Variants in SEC14L1 observed in about 807,000 individuals in gnomAD.
The protein encoded by SEC14L1 is SEC14-like protein 1.
In SEC14L1, 48 loss-of-function variants were observed where a neutral mutation model predicts 85.3. That is an observed-to-expected ratio of 0.56 (90% CI 0.45 to 0.72). The LOEUF (loss-of-function observed/expected upper bound fraction) is 0.72. SEC14L1 is among the 30% of genes least tolerant of loss of function. The probability of loss-of-function intolerance (pLI) is 0.00; values close to 1 mark genes in which losing one functional copy is unlikely to be tolerated. For synonymous variants in SEC14L1, 391 were observed against 355.5 expected (o/e 1.10, Z -1.12); for missense variants, 682 against 921.4 (o/e 0.74, Z 3.36).
At chr17:77,212,319 G>C (rs1976798416) in intron 15 of SEC14L1, 118 bp downstream of exon 15, 1 of 1,409,550 alleles carries the variant, frequency 7.1e-7, no homozygotes, top group Admixed American at 2.2e-5. Context: ...TTGAGGCCCT[G>C]CTTGTGGAGG....
intron 3 of SEC14L1, among the ~76,000 whole-genome samples, chr17:77,102,290 A>T (rs9893028): frequency 0.25 from 38,210 of 152,054 alleles, 5,139 homozygotes; most frequent in African/African-American, 0.33. Context: ...AGTTGGGATC[A>T]TCCCCTCCGG....
At position 77,213,790 on chromosome 17, in the gene SEC14L1, T is replaced by C; in HGVS notation, c.2043-128T>C. 1 of 1,230,664 alleles carries C rather than the reference T, an allele frequency of 8.1e-7. No individual in the cohort carries two copies. Among genetic ancestry groups the C allele is most frequent in the Non-Finnish European group, 1.2e-6 (1 of 845,332 alleles). 76.2% of individuals were successfully genotyped at this position (1,230,664 alleles called of 1,614,324 possible). On this transcript the variant is annotated intron_variant, in intron 16 of 16. Transcript: ENST00000436233. This position sits in a 1 kb window ranked among gnomAD's most constrained non-coding sequence, Gnocchi z 7.1. ...GGGTTACTCATGTCCATCCCCCGTT[T>C]GCAAGCACTGATGGGGATGAGAAGT...
At chr17:77,212,872 A>G (rs944058638) in intron 15 of SEC14L1, 44 of 177,694 alleles carry the variant, frequency 2.5e-4, no homozygotes, top group Admixed American at 2.4e-3. Context: ...GAGAATGGAG[A>G]AGGAGCTTTC....
intron 3 of SEC14L1, among the ~76,000 whole-genome samples, chr17:77,154,640 T>TTTTG (rs1973724993): frequency 6.6e-6 from 1 of 151,154 alleles, no homozygotes; most frequent in South Asian, 2.1e-4. Context: ...TTTTTTTGTT[T>TTTTG]TTTTTTGGTT....
At position 77,162,579 on chromosome 17, in the gene SEC14L1, T is replaced by TC. The variant is rs1243800354; in HGVS notation, c.63+18923dup. Among the ~76,000 whole-genome samples, 13 of 152,252 alleles carry TC rather than the reference T, an allele frequency of 8.5e-5. No homozygotes were observed. The East Asian group carries it at 2.5e-3, about 29-fold the overall frequency. On this transcript the variant is annotated intron_variant, in intron 3 of 16. Transcript: ENST00000436233. The stretch of plus-strand genomic sequence containing the variant: ...CAGGTGCGGTGGCTCACACCTGTAA[T>TC]CCCAGCACTTTGGGAGGCCGAGGCA...
At position 77,212,181 on chromosome 17, in the gene SEC14L1, AAAG is replaced by A. The variant is rs1254019870; in HGVS notation, c.1847_1849del (p.Glu616del). 5 of 1,613,714 alleles carry A rather than the reference AAAG, an allele frequency of 3.1e-6. No homozygotes were observed. The highest frequency in any genetic ancestry group is 2.2e-5 in the South Asian group (2 of 91,080). Reference sequence around the variant, plus strand: ...CATGGTGGAGTCGCCTCTGATCTGCAAAGAAGGAGAAAGCGTGCAGGTAAAATC... The same window carrying A: ...CATGGTGGAGTCGCCTCTGATCTGCAAAGGAGAAAGCGTGCAGGTAAAATC... On this transcript the variant is annotated inframe_deletion, in exon 15 of 17. Transcript: ENST00000436233.
intron 3 of SEC14L1, among the ~76,000 whole-genome samples, chr17:77,126,973 CTT>C (rs1477491941): frequency 6.6e-6 from 1 of 150,758 alleles, no homozygotes; most frequent in Non-Finnish European, 1.5e-5. Flanking sequence ...TTCTCTCTCT[CTT>C]TTTTTTAATT....
chr17:77,133,449 TG>T (rs1051501386), intron 3 of SEC14L1, among the ~76,000 whole-genome samples: 2 of 152,202 alleles, frequency 1.3e-5, no homozygotes, highest in African/African-American at 4.8e-5. Context: ...GGCGGCCAAG[TG>T]GAACGGCAGC....
upstream of SEC14L1, among the ~76,000 whole-genome samples, chr17:77,140,139 T>A (rs778796006): frequency 3.3e-5 from 5 of 152,182 alleles, no homozygotes; most frequent in Non-Finnish European, 5.9e-5. Context: ...GAGCTCCTCT[T>A]AAGGACCCCA....
intron 2 of SEC14L1, chr17:77,089,737 C>T: frequency 3.8e-6 from 1 of 266,580 alleles, no homozygotes; most frequent in South Asian, 3.3e-5. Flanking sequence ...ATAATTCAGC[C>T]AGGTGCAGTG....
chr17:77,188,482 A>AT (rs1975373298), intron 3 of SEC14L1, among the ~76,000 whole-genome samples: 1 of 148,174 alleles, frequency 6.7e-6, no homozygotes. Flanking sequence ...TCAATAGTTC[A>AT]TTCTTTTTTT....
In SEC14L1 at chr17:77,216,660, G is replaced by A. The variant is rs1473897678; in HGVS notation, c.*2637G>A. The A allele has an allele frequency of 6.2e-7, 1 of 1,604,286 alleles. No individual in the cohort carries two copies. The highest frequency in any genetic ancestry group is 8.5e-7 in the Non-Finnish European group (1 of 1,172,914). ...GCAGCCATCCCCTGCCCCCTCCCAG[G>A]CTGAAGATCTGTTCTTTTTAAGTTG... On this transcript the variant is annotated 3_prime_UTR_variant, in exon 17 of 17. Coordinates refer to ENST00000436233, the MANE Select transcript of SEC14L1 (RefSeq NM_001143998.2).
intron 9 of SEC14L1, 149 bp downstream of exon 9, chr17:77,200,822 T>C (rs770011057): frequency 1.3e-5 from 10 of 747,172 alleles, no homozygotes; most frequent in Non-Finnish European, 2.2e-5. Flanking sequence ...TTTCCCAAGT[T>C]GAACAGACTG....
intron 2 of SEC14L1, chr17:77,089,518 A>G (rs535817361): frequency 4.0e-6 from 2 of 505,232 alleles, no homozygotes; most frequent in Non-Finnish European, 7.9e-6. Flanking sequence ...AAATGGTTGT[A>G]GTTAGTATCA....
chr17:77,129,099 G>T (rs1972538361), intron 3 of SEC14L1, among the ~76,000 whole-genome samples: 1 of 152,128 alleles, frequency 6.6e-6, no homozygotes, highest in Non-Finnish European at 1.5e-5. Flanking sequence ...CAACTAGAGC[G>T]GTAGGCGGGA....
At chr17:77,212,911 C>T (rs929216685) in intron 15 of SEC14L1, among the ~76,000 whole-genome samples, 3 of 152,208 alleles carry the variant, frequency 2.0e-5, no homozygotes, top group African/African-American at 4.8e-5. Context: ...TTTAGGGTGA[C>T]GTGCCTTCAG....
rs575942365 is a variant in SEC14L1 at position 77,183,972 on chromosome 17, AAC to A, written c.64-6829_64-6828del. On this transcript the variant is annotated intron_variant, in intron 3 of 16. Coordinates refer to ENST00000436233, the MANE Select transcript of SEC14L1 (RefSeq NM_001143998.2). The stretch of plus-strand genomic sequence containing the variant: ...GGCTAATTTTTGTATTTTTAGTAGA[AAC>A]ATAGTTTCACCATGTTGGCCAGGCG... 5.3e-5 allele frequency among the ~76,000 whole-genome samples: 8 copies of A among 152,166 alleles called. No homozygotes were observed. The South Asian group carries it at 1.7e-3, about 32-fold the overall frequency.
At chr17:77,143,730 C>T in intron 3 of SEC14L1, 71 bp downstream of exon 3, 1 of 1,140,866 alleles carries the variant, frequency 8.8e-7, no homozygotes. Flanking sequence ...ATTTGATGAT[C>T]TATAGATTTA....
intron 6 of SEC14L1, among the ~76,000 whole-genome samples, 189 bp downstream of exon 6, chr17:77,193,738 A>T (rs1975658621): frequency 6.6e-6 from 1 of 152,182 alleles, no homozygotes; most frequent in Non-Finnish European, 1.5e-5. Flanking sequence ...TGATGGAGGA[A>T]GGAGGTGCCT....
Sources: allele counts gnomAD v4.1 joint callset (sites outside exome capture counted in the v4.1 genomes callset), GRCh38; gene constraint gnomAD v4.1.1; non-coding constraint Gnocchi (gnomAD v3.1); transcripts MANE v1.5; gene names NCBI Gene and HGNC (gene_info 2026-07-23, HGNC 2026-07-21).